Variants in NLGN1 observed in about 807,000 individuals in gnomAD.
NLGN1 encodes the protein neuroligin-1.
NLGN1 carries 12 observed loss-of-function variants against 65.5 expected under a neutral mutation model. The observed-to-expected ratio is 0.18, with a 90% confidence interval of 0.12 to 0.30. The LOEUF (loss-of-function observed/expected upper bound fraction) is 0.30, where lower values mean the gene tolerates loss of function less well. Ranked by LOEUF, NLGN1 falls within the 10% of genes least tolerant of loss-of-function variation. The probability of loss-of-function intolerance (pLI) is 1.00; values close to 1 mark genes in which losing one functional copy is unlikely to be tolerated. For synonymous variants in NLGN1, 350 were observed against 359.5 expected (o/e 0.97, Z 0.30); for missense variants, 750 against 1,007.1 (o/e 0.74, Z 3.46).
intron 2 of NLGN1, among the ~76,000 whole-genome samples, chr3:173,513,503 G>A (rs1301662741): frequency 6.6e-6 from 1 of 152,170 alleles, no homozygotes; most frequent in African/African-American, 2.4e-5. Flanking sequence ...TTTTGAAGCA[G>A]TGGTTTGCCC....
At position 174,280,407 on chromosome 3, in the gene NLGN1, A is replaced by T; in HGVS notation, c.1650-74A>T. 1.0e-6 allele frequency: 1 copy of T among 969,654 alleles called. No homozygotes were observed. The highest frequency in any genetic ancestry group is 1.5e-6 in the Non-Finnish European group (1 of 652,036). 60.1% of individuals were successfully genotyped at this position (969,654 alleles called of 1,614,324 possible). On this transcript the variant is annotated intron_variant, in intron 6 of 6. Transcript: ENST00000457714. This position sits in a 1 kb window ranked among gnomAD's most constrained non-coding sequence, Gnocchi z 4.9. ...TTGCTGAGTCATCTATTTAATTATT[A>T]GATGTTAAAGTAGTGTGATTTTAAG...
At chr3:173,990,764 C>T (rs1054477757) in intron 4 of NLGN1, among the ~76,000 whole-genome samples, 1 of 151,936 alleles carries the variant, frequency 6.6e-6, no homozygotes, top group Non-Finnish European at 1.5e-5. Flanking sequence ...TATTCATATT[C>T]ATAAATATTT....
intron 4 of NLGN1, among the ~76,000 whole-genome samples, chr3:173,868,155 T>C (rs981109084): frequency 3.3e-5 from 5 of 152,134 alleles, no homozygotes; most frequent in African/African-American, 9.7e-5. Flanking sequence ...TTCTGAACTT[T>C]CCAGCATTTA....
intron 4 of NLGN1, among the ~76,000 whole-genome samples, chr3:174,091,524 C>T (rs534570026): frequency 6.6e-6 from 1 of 152,184 alleles, no homozygotes; most frequent in Non-Finnish European, 1.5e-5. Context: ...AGATCCAGAA[C>T]TATTGTTTGT....
At chr3:173,796,221 G>A (rs1016370434) in intron 3 of NLGN1, among the ~76,000 whole-genome samples, 1 of 151,986 alleles carries the variant, frequency 6.6e-6, no homozygotes, top group African/African-American at 2.4e-5. Context: ...CTTCATCAAA[G>A]GGAATGATAA....
At chr3:173,821,706 C>A (rs1272896485) in intron 4 of NLGN1, among the ~76,000 whole-genome samples, 1 of 152,128 alleles carries the variant, frequency 6.6e-6, no homozygotes, top group Non-Finnish European at 1.5e-5. Context: ...ACAGAGACCA[C>A]AGATCAGACA....
intron 2 of NLGN1, among the ~76,000 whole-genome samples, chr3:173,480,894 G>A (rs1178707104): frequency 6.6e-6 from 1 of 152,056 alleles, no homozygotes; most frequent in Non-Finnish European, 1.5e-5. Context: ...AATAATAAGT[G>A]CTTCATAAGC....
At chr3:174,022,340 T>C (rs1012040085) in intron 4 of NLGN1, among the ~76,000 whole-genome samples, 1 of 152,108 alleles carries the variant, frequency 6.6e-6, no homozygotes, top group Non-Finnish European at 1.5e-5. Context: ...AATCTCAGAA[T>C]TGCAAAATGC....
chr3:173,913,152 G>C lies in NLGN1; in HGVS notation c.646+105320G>C, dbSNP rs757272619. On this transcript the variant is annotated intron_variant, in intron 4 of 6. Coordinates refer to ENST00000457714, the Ensembl canonical transcript of NLGN1. Reference sequence around the variant, plus strand: ...GCATGTTCTTGGTATTCCCTGACCAGTACTGCCTCAAGGAAAAAACAGAAA... The same window carrying C: ...GCATGTTCTTGGTATTCCCTGACCACTACTGCCTCAAGGAAAAAACAGAAA... 9.8e-4 allele frequency among the ~76,000 whole-genome samples: 149 copies of C among 152,090 alleles called. 2 individuals carry two copies. The highest frequency in any genetic ancestry group is 2.5e-4 in the Non-Finnish European group (17 of 68,012).
At chr3:174,221,910 T>C (rs572393774) in intron 4 of NLGN1, among the ~76,000 whole-genome samples, 76 of 151,370 alleles carry the variant, frequency 5.0e-4, no homozygotes, top group African/African-American at 1.7e-3. Context: ...GTTGCTCATG[T>C]TTTTTGTTTT....
chr3:173,809,759 C>T (rs1304529144), intron 4 of NLGN1, among the ~76,000 whole-genome samples: 2 of 152,146 alleles, frequency 1.3e-5, no homozygotes, highest in Non-Finnish European at 2.9e-5. Context: ...TATATTCATG[C>T]CCATACCCCA....
At chr3:174,115,139 A>G (rs1232788100) in intron 4 of NLGN1, among the ~76,000 whole-genome samples, 1 of 152,178 alleles carries the variant, frequency 6.6e-6, no homozygotes, top group Non-Finnish European at 1.5e-5. Context: ...TTTCAAATTA[A>G]AAATGAAAGT....
intron 2 of NLGN1, among the ~76,000 whole-genome samples, chr3:173,491,594 A>G (rs1380392910): frequency 1.3e-5 from 2 of 151,702 alleles, no homozygotes; most frequent in East Asian, 3.8e-4. Context: ...TGGTGTTAAG[A>G]TGATGCTGGC....
chr3:174,086,531 G>A (rs1473869295), intron 4 of NLGN1, among the ~76,000 whole-genome samples: 1 of 151,158 alleles, frequency 6.6e-6, no homozygotes, highest in Non-Finnish European at 1.5e-5. Flanking sequence ...ATAACATAAC[G>A]TTAAGTTCAG....
intron 4 of NLGN1, among the ~76,000 whole-genome samples, chr3:173,830,016 G>A (rs1040421695): frequency 7.0e-6 from 1 of 142,636 alleles, no homozygotes; most frequent in East Asian, 2.0e-4. Context: ...GTGGGGGGGG[G>A]AGGGAGAGAA....
At chr3:174,186,137 T>G (rs987286553) in intron 4 of NLGN1, among the ~76,000 whole-genome samples, 2 of 152,120 alleles carry the variant, frequency 1.3e-5, no homozygotes, top group African/African-American at 4.8e-5. Flanking sequence ...CCTAAGTGAC[T>G]GTGAACAATA....
intron 4 of NLGN1, among the ~76,000 whole-genome samples, chr3:173,938,876 T>C (rs1285933406): frequency 6.6e-6 from 1 of 152,118 alleles, no homozygotes; most frequent in Non-Finnish European, 1.5e-5. Flanking sequence ...GATTTAGGGA[T>C]GGTGATCTAT....
At chr3:173,530,839 A>G (rs960442335) in intron 2 of NLGN1, among the ~76,000 whole-genome samples, 1 of 152,054 alleles carries the variant, frequency 6.6e-6, no homozygotes, top group African/African-American at 2.4e-5. Context: ...GTTTATAATT[A>G]TATTTAAATG....
Position 174,141,721 on chromosome 3 carries a change from G to A in NLGN1, c.647-133594G>A, listed in dbSNP as rs376681606. On this transcript the variant is annotated intron_variant, in intron 4 of 6. Transcript: ENST00000457714. ...AGAAGCCACGTGCCAGCTTTGTGAAGCCTGCAGTCTGCTAGAGAAGTGGGG... is the reference window on the plus strand; with the variant it reads ...AGAAGCCACGTGCCAGCTTTGTGAAACCTGCAGTCTGCTAGAGAAGTGGGG... Among the ~76,000 whole-genome samples, 13 of 152,122 alleles carry A rather than the reference G, an allele frequency of 8.5e-5. No individual in the cohort carries two copies. In the East Asian group the frequency reaches 1.2e-3, roughly 14 times the overall value.
Sources: gnomAD v4.1 joint callset for allele counts (sites outside exome capture counted in the v4.1 genomes callset) on GRCh38, gnomAD v4.1.1 for gene constraint, Gnocchi (gnomAD v3.1) non-coding constraint, MANE v1.5 for transcripts, NCBI Gene and HGNC (gene_info 2026-07-23, HGNC 2026-07-21) for gene names.